The following MLF1 variants were observed in gnomAD, a reference collection of about 807,000 sequenced individuals.
The protein encoded by MLF1 is myeloid leukemia factor 1.
MLF1 carries 37 observed loss-of-function variants against 38.3 expected under a neutral mutation model. The observed-to-expected ratio is 0.96, with a 90% CI of 0.74 to 1.27. The LOEUF (loss-of-function observed/expected upper bound fraction) is 1.27, where lower values mean the gene tolerates loss of function less well. Ranked by LOEUF, MLF1 falls within the 50% of genes most tolerant of loss-of-function variation. The pLI is 0.00. For synonymous variants in MLF1, 95 were observed against 106.5 expected, an observed-to-expected ratio of 0.89 and a Z score of 0.66; for missense variants, 331 against 349.2, an observed-to-expected ratio of 0.95 and a Z score of 0.42.
chr3:158,572,160 G>A (rs1310090848), intron 1 of MLF1, among the ~76,000 whole-genome samples: 1 of 115,224 alleles, frequency 8.7e-6, no homozygotes, highest in Non-Finnish European at 1.8e-5. Context: ...GGTTGAGGAC[G>A]TGAGGTGGGA....
chr3:158,594,546 T>C (rs141955833), intron 3 of MLF1, among the ~76,000 whole-genome samples: 2 of 152,224 alleles, frequency 1.3e-5, no homozygotes, highest in Admixed American at 1.3e-4. Context: ...TAGAGTCATA[T>C]TCTTGAAATA....
At chr3:158,582,702 G>A (rs957058312) in intron 1 of MLF1, 1 of 496,464 alleles carries the variant, frequency 2.0e-6, no homozygotes, top group African/African-American at 2.0e-5. Flanking sequence ...ATAAAGTGTT[G>A]AGAGGAAAAA....
chr3:158,604,818 C>G (rs961402889), intron 7 of MLF1, among the ~76,000 whole-genome samples: 2 of 151,992 alleles, frequency 1.3e-5, no homozygotes, highest in African/African-American at 4.8e-5. Flanking sequence ...ATCACCACGC[C>G]CAGCTAATCT....
At chr3:158,604,945 C>T (rs181158938) in intron 7 of MLF1, 152 bp from the exon 8 acceptor site, 86 of 603,076 alleles carry the variant, frequency 1.4e-4, no homozygotes, top group Admixed American at 9.7e-4. Flanking sequence ...CATGAGCCAC[C>T]GCACCTGGCC....
intron 6 of MLF1, among the ~76,000 whole-genome samples, chr3:158,601,370 C>T (rs1432240024): frequency 1.3e-5 from 2 of 152,002 alleles, no homozygotes; most frequent in Non-Finnish European, 2.9e-5. Context: ...GAGTTCAAGA[C>T]CAGCCTGACC....
chr3:158,592,470 GATGATAAGA>G lies in MLF1; in HGVS notation c.86_94del (p.Met29_Arg31del). The G allele has an allele frequency of 6.2e-7, 1 of 1,611,166 alleles. No homozygotes were observed. The highest frequency in any genetic ancestry group is 8.5e-7 in the Non-Finnish European group (1 of 1,178,966). On this transcript the variant is annotated inframe_deletion, in exon 2 of 8. Coordinates refer to ENST00000466246, the MANE Select transcript of MLF1 (RefSeq NM_001369783.1). ...TTGCACACCGAGAAAATATGCGACAGATGATAAGAAGTTTTTCTGAACCCTTTGGAAGAG... is the reference window on the plus strand; with the variant it reads ...TTGCACACCGAGAAAATATGCGACAGAGTTTTTCTGAACCCTTTGGAAGAG...
chr3:158,593,432 T>C lies in MLF1; in HGVS notation c.240+6T>C. ...TTGGCGATTTTGGTGGTATGGTTCG[T>C]ATCTTAAGACACAAATCATTTTAGC... On this transcript the variant is annotated splice_donor_region_variant and intron_variant, in intron 3 of 7. Transcript: ENST00000466246. The C allele has an allele frequency of 6.4e-7, 1 of 1,556,004 alleles. No homozygotes were observed. Among genetic ancestry groups the C allele is most frequent in the South Asian group, 1.2e-5 (1 of 84,644 alleles).
intron 1 of MLF1, among the ~76,000 whole-genome samples, chr3:158,574,528 T>A (rs5853831): frequency 0.22 from 14,587 of 65,550 alleles, 2,768 homozygotes; most frequent in African/African-American, 0.5. Context: ...AAAAAAAAAA[T>A]ACAAAATTAG....
rs56885799 is a variant in MLF1, at chr3:158,584,658, A to AGTGT, written c.48-7737_48-7734dup. 4.5e-3 allele frequency among the ~76,000 whole-genome samples: 607 copies of AGTGT among 134,364 alleles called. 4 individuals are homozygous for AGTGT. Among genetic ancestry groups the AGTGT allele is most frequent in the South Asian group, 0.02 (80 of 3,936 alleles). 88.1% of individuals were successfully genotyped at this position (134,364 alleles called of 152,430 possible). ...AAGGATATTTAATCTCCATAAAGAA[A>AGTGT]GTGTGTGTGTGTGTGTGTGTGTGTG... On this transcript the variant is annotated intron_variant, in intron 1 of 7. Transcript: ENST00000466246.
intron 1 of MLF1, among the ~76,000 whole-genome samples, chr3:158,576,526 A>C (rs775610063): frequency 3.3e-5 from 5 of 152,162 alleles, no homozygotes; most frequent in African/African-American, 1.2e-4. Context: ...TTTCTATTTG[A>C]TACGAAACAG....
intron 1 of MLF1, among the ~76,000 whole-genome samples, chr3:158,590,347 G>C (rs2108609982): frequency 6.6e-6 from 1 of 152,246 alleles, no homozygotes; most frequent in Non-Finnish European, 1.5e-5. Flanking sequence ...CAAGAATGCA[G>C]TGCAACTGGA....
In MLF1 at chr3:158,576,701, C is replaced by G. The variant is rs1236307789; in HGVS notation, c.47+5354C>G. Reference sequence around the variant, plus strand: ...TTTTTTTTTTTTTTTGAGACGGAGTCTGGCACTGTTGCCCAGGCTGGAGTG... The same window carrying G: ...TTTTTTTTTTTTTTTGAGACGGAGTGTGGCACTGTTGCCCAGGCTGGAGTG... On this transcript the variant is annotated intron_variant, in intron 1 of 7. Transcript: ENST00000466246. Among the ~76,000 whole-genome samples the G allele has an allele frequency of 7.2e-5, 10 of 139,484 alleles. No homozygotes were observed. In the Admixed American group the frequency reaches 7.7e-4, roughly 11 times the overall value. The allele number at this position is 139,484 out of a possible 152,430, so 91.5% of individuals were successfully genotyped here.
intron 5 of MLF1, 26 bp from the exon 6 acceptor site, chr3:158,599,988 A>C (rs773426687): frequency 8.7e-7 from 1 of 1,151,958 alleles, no homozygotes; most frequent in Admixed American, 3.2e-5. Flanking sequence ...TATTTAAATA[A>C]TAATAAAATT....
At chr3:158,592,652 A>G in intron 2 of MLF1, 71 bp downstream of exon 2, 3 of 1,213,880 alleles carry the variant, frequency 2.5e-6, no homozygotes, top group Middle Eastern at 1.9e-4. Context: ...TTACAGAAGT[A>G]TATATCTATA....
At chr3:158,597,884 G>C (rs749777136) in intron 4 of MLF1, among the ~76,000 whole-genome samples, 196 bp from the exon 5 acceptor site, 2 of 152,066 alleles carry the variant, frequency 1.3e-5, no homozygotes, top group African/African-American at 4.8e-5. Context: ...GGACCCTCTA[G>C]GGGTGACTTT....
intron 1 of MLF1, chr3:158,590,773 T>C (rs909978465): frequency 6.6e-6 from 3 of 456,276 alleles, no homozygotes; most frequent in Non-Finnish European, 1.3e-5. Context: ...TTTGGAATGA[T>C]AGAAATGTTC....
intron 1 of MLF1, among the ~76,000 whole-genome samples, chr3:158,578,547 A>G (rs1350772081): frequency 6.6e-6 from 1 of 152,076 alleles, no homozygotes; most frequent in Non-Finnish European, 1.5e-5. Context: ...CTATGTTGAA[A>G]TCATTCCCAA....
At chr3:158,580,817 G>A (rs1378100581) in intron 1 of MLF1, among the ~76,000 whole-genome samples, 1 of 107,274 alleles carries the variant, frequency 9.3e-6, no homozygotes, top group African/African-American at 3.1e-5. Flanking sequence ...ATCCAGGCAT[G>A]GTAGTGCACG....
intron 1 of MLF1, chr3:158,582,577 G>T (rs1716568630): frequency 3.5e-6 from 1 of 286,392 alleles, no homozygotes; most frequent in East Asian, 5.2e-5. Context: ...AGATAAAGAA[G>T]AAATCTTGAA....
Sources: allele counts gnomAD v4.1 joint callset (sites outside exome capture counted in the v4.1 genomes callset), GRCh38; gene constraint gnomAD v4.1.1; transcripts MANE v1.5; gene names NCBI Gene and HGNC (gene_info 2026-07-23, HGNC 2026-07-21).